The following GABRR2 variants were observed in gnomAD, a reference collection of about 807,000 sequenced individuals.
GABRR2 encodes the protein gamma-aminobutyric acid type A receptor subunit rho2.
In GABRR2, 36 loss-of-function variants were observed where a neutral mutation model predicts 47.0. The observed-to-expected ratio is 0.77, with a 90% CI of 0.59 to 1.01. The LOEUF is 1.01. GABRR2 is among the 50% of genes least tolerant of loss of function. The probability of loss-of-function intolerance (pLI) is 0.00; values close to 1 mark genes in which losing one functional copy is unlikely to be tolerated. For synonymous variants in GABRR2, 204 were observed against 227.5 expected, an observed-to-expected ratio of 0.90 and a Z score of 0.93; for missense variants, 587 against 594.6, an observed-to-expected ratio of 0.99 and a Z score of 0.13.
intron 2 of GABRR2, among the ~76,000 whole-genome samples, chr6:89,280,415 A>G (rs1049084222): frequency 2.6e-5 from 4 of 151,862 alleles, no homozygotes; most frequent in Admixed American, 6.6e-5. Flanking sequence ...GGGGCTGAAT[A>G]CACACTGGAG....
chr6:89,308,946 C>G (rs1582467420), intron 1 of GABRR2, among the ~76,000 whole-genome samples: 1 of 152,068 alleles, frequency 6.6e-6, no homozygotes, highest in South Asian at 2.1e-4. Context: ...GGACGATAAA[C>G]CAGTGGACAG....
intron 2 of GABRR2, among the ~76,000 whole-genome samples, chr6:89,276,211 C>T (rs1774157404): frequency 6.7e-6 from 1 of 149,326 alleles, no homozygotes; most frequent in South Asian, 2.1e-4. Flanking sequence ...GAAAATAAGG[C>T]ATACACAATA....
rs1343529479 is a variant in GABRR2 at position 89,254,503 on chromosome 6, A to G, written c.*3167T>C. ...CCATTTCTTTTATTGTAACATTAACATTTTTTCACAGTTTCATATTGGTGA... is the reference window on the plus strand; with the variant it reads ...CCATTTCTTTTATTGTAACATTAACGTTTTTTCACAGTTTCATATTGGTGA... On this transcript the variant is annotated 3_prime_UTR_variant, in exon 9 of 9. Transcript: ENST00000402938. Among the ~76,000 whole-genome samples the G allele has an allele frequency of 6.6e-6, 1 of 152,140 alleles. No individual in the cohort carries two copies. Among genetic ancestry groups the G allele is most frequent in the Non-Finnish European group, 1.5e-5 (1 of 68,022 alleles).
chr6:89,280,247 T>TATATACATATAC (rs1554197254), intron 2 of GABRR2, among the ~76,000 whole-genome samples: 1 of 101,330 alleles, frequency 9.9e-6, no homozygotes, highest in Non-Finnish European at 2.1e-5. Flanking sequence ...TATATATATA[T>TATATACATATAC]ATATATACAT....
chr6:89,270,483 C>A (rs1017095661), intron 3 of GABRR2: 11 of 152,320 alleles, frequency 7.2e-5, no homozygotes, highest in Admixed American at 5.9e-4. Flanking sequence ...CTGTTCTAGA[C>A]ACAGCTGGTT....
chr6:89,283,981 C>G (rs1158280542), intron 2 of GABRR2, among the ~76,000 whole-genome samples: 2 of 152,132 alleles, frequency 1.3e-5, no homozygotes, highest in Admixed American at 1.3e-4. Flanking sequence ...TACGTAGGAG[C>G]CTCAGAGAGA....
rs761705970 is a variant in GABRR2 at position 89,274,421 on chromosome 6, T to A, written c.221-2699A>T. Among the ~76,000 whole-genome samples, 57 of 152,162 alleles carry A rather than the reference T, an allele frequency of 3.7e-4. 1 individual carries two copies. The highest frequency in any genetic ancestry group is 2.1e-4 in the South Asian group (1 of 4,832). On this transcript the variant is annotated intron_variant, in intron 2 of 8. Transcript: ENST00000402938. ...TTCCCAACCTAGATTTGGGAGAAAT[T>A]CTTGCAAATTACTGGTCTTTCTTCT...
chr6:89,271,637 C>A lies in GABRR2; in HGVS notation c.288+18G>T. The A allele has an allele frequency of 6.2e-7, 1 of 1,605,354 alleles. No individual in the cohort carries two copies. The highest frequency in any genetic ancestry group is 8.5e-7 in the Non-Finnish European group (1 of 1,175,318). The stretch of plus-strand genomic sequence containing the variant: ...CACTACAGGCTCTCACGCTGTGTCA[C>A]TGGAGGCCGCTGCATACCATGTCCA... On this transcript the variant is annotated intron_variant, in intron 3 of 8. Transcript: ENST00000402938.
chr6:89,289,430 G>A (rs1445072705), intron 2 of GABRR2, among the ~76,000 whole-genome samples: 1 of 152,180 alleles, frequency 6.6e-6, no homozygotes, highest in African/African-American at 2.4e-5. Flanking sequence ...CATGGTGTTG[G>A]GGGATGGCAA....
chr6:89,295,686 A>G (rs1158527260), intron 2 of GABRR2, among the ~76,000 whole-genome samples: 1 of 151,458 alleles, frequency 6.6e-6, no homozygotes, highest in Non-Finnish European at 1.5e-5. Flanking sequence ...GGTGTTTTAG[A>G]CATGAAGTCC....
intron 8 of GABRR2, among the ~76,000 whole-genome samples, chr6:89,259,657 C>T (rs1443535603): frequency 6.6e-6 from 1 of 152,022 alleles, no homozygotes; most frequent in African/African-American, 2.4e-5. Flanking sequence ...GTGCCCACCA[C>T]CATGCCCAGC....
At chr6:89,283,732 T>C (rs1024495998) in intron 2 of GABRR2, among the ~76,000 whole-genome samples, 1 of 152,080 alleles carries the variant, frequency 6.6e-6, no homozygotes, top group South Asian at 2.1e-4. Flanking sequence ...GCCAAGTACA[T>C]CCAGGAGGGA....
intron 2 of GABRR2, among the ~76,000 whole-genome samples, chr6:89,283,472 T>C (rs187161866): frequency 5.9e-5 from 9 of 152,256 alleles, no homozygotes. Flanking sequence ...AAGTTGTATA[T>C]GAGCTGATAG....
At chr6:89,292,974 A>G (rs1316840173) in intron 2 of GABRR2, among the ~76,000 whole-genome samples, 2 of 151,598 alleles carry the variant, frequency 1.3e-5, no homozygotes, top group African/African-American at 4.8e-5. Flanking sequence ...AAGAATCAAA[A>G]GTAGGGCCTT....
intron 4 of GABRR2, 37 bp from the exon 5 acceptor site, chr6:89,268,133 GA>G: frequency 6.7e-7 from 1 of 1,498,312 alleles, no homozygotes; most frequent in Admixed American, 1.9e-5. Flanking sequence ...CTTGTGCGGT[GA>G]ATTATTGGCT....
chr6:89,305,285 G>C (rs1320857401), intron 1 of GABRR2, among the ~76,000 whole-genome samples: 1 of 152,220 alleles, frequency 6.6e-6, no homozygotes, highest in Admixed American at 6.5e-5. Context: ...AACCCGAGAG[G>C]TGGAGGTTGC....
intron 1 of GABRR2, among the ~76,000 whole-genome samples, chr6:89,312,298 C>G (rs573666095): frequency 6.6e-6 from 1 of 152,238 alleles, no homozygotes; most frequent in Admixed American, 6.5e-5. Context: ...AACAGACTCA[C>G]TCTGCAGCCA....
chr6:89,307,600 C>T (rs1767590583), intron 1 of GABRR2, among the ~76,000 whole-genome samples: 1 of 152,294 alleles, frequency 6.6e-6, no homozygotes, highest in African/African-American at 2.4e-5. Context: ...GTCCTGAGAG[C>T]TGCCCAGGGC....
intron 1 of GABRR2, 57 bp from the exon 2 acceptor site, chr6:89,299,922 T>A: frequency 8.9e-7 from 1 of 1,127,782 alleles, no homozygotes. Flanking sequence ...TTGAGTGAGA[T>A]GATTTGGGCT....
Sources: gnomAD v4.1 joint callset for allele counts (sites outside exome capture counted in the v4.1 genomes callset) on GRCh38, gnomAD v4.1.1 for gene constraint, MANE v1.5 for transcripts, NCBI Gene and HGNC (gene_info 2026-07-23, HGNC 2026-07-21) for gene names.